The following XYLT1 variants were observed in gnomAD, a reference collection of about 807,000 sequenced individuals.
The protein encoded by XYLT1 is xylosyltransferase 1, also known as beta-D-xylosyltransferase 1.
A neutral mutation model predicts 91.3 loss-of-function variants in XYLT1; 36 were observed. That is an observed-to-expected ratio of 0.39 (90% confidence interval 0.30 to 0.52). The LOEUF (loss-of-function observed/expected upper bound fraction) is 0.52. Ranked by LOEUF, XYLT1 falls within the 20% of genes least tolerant of loss-of-function variation. The pLI is 0.68. For synonymous variants in XYLT1, 588 were observed against 532.0 expected (o/e 1.11, Z -1.45); for missense variants, 1,242 against 1,284.5 (o/e 0.97, Z 0.51).
chr16:17,257,722 G>C (rs531805216), intron 3 of XYLT1, among the ~76,000 whole-genome samples: 10 of 152,222 alleles, frequency 6.6e-5, no homozygotes, highest in African/African-American at 2.4e-4. Context: ...ATCACTTAAA[G>C]GCCATGTGAC....
At chr16:17,190,442 C>G (rs535869067) in intron 5 of XYLT1, among the ~76,000 whole-genome samples, 1 of 120,862 alleles carries the variant, frequency 8.3e-6, no homozygotes, top group East Asian at 3.2e-4. Context: ...TATCCCTCCC[C>G]CCTCCCCCCA....
intron 3 of XYLT1, among the ~76,000 whole-genome samples, chr16:17,219,589 C>T (rs1048554020): frequency 5.3e-5 from 8 of 152,156 alleles, no homozygotes; most frequent in African/African-American, 1.7e-4. Context: ...GATTTCTCAA[C>T]GATGGCTTGG....
intron 1 of XYLT1, among the ~76,000 whole-genome samples, chr16:17,421,264 T>C (rs1407361351): frequency 6.6e-6 from 1 of 152,204 alleles, no homozygotes; most frequent in Non-Finnish European, 1.5e-5. Flanking sequence ...ACAAGGCTCC[T>C]GAAAAATCCC....
At chr16:17,447,048 A>C (rs1190676356) in intron 1 of XYLT1, among the ~76,000 whole-genome samples, 1 of 150,498 alleles carries the variant, frequency 6.6e-6, no homozygotes, top group Non-Finnish European at 1.5e-5. Context: ...GAATCTCCGA[A>C]AATGGTTTTC....
rs548246649 is a variant in XYLT1 at position 17,326,846 on chromosome 16, A to C, written c.402+31166T>G. On this transcript the variant is annotated intron_variant, in intron 2 of 11. Coordinates refer to ENST00000261381, the MANE Select transcript of XYLT1 (RefSeq NM_022166.4). The stretch of plus-strand genomic sequence containing the variant: ...TCTCAAAAACAAAAAAAAACAAAAA[A>C]AACAAAAACACAACAAAAAAAACAC... Among the ~76,000 whole-genome samples the C allele has an allele frequency of 5.3e-5, 8 of 151,936 alleles. No individual in the cohort carries two copies. The East Asian group carries it at 1.6e-3, about 30-fold the overall frequency.
At chr16:17,449,439 C>G (rs2036636848) in intron 1 of XYLT1, among the ~76,000 whole-genome samples, 1 of 152,256 alleles carries the variant, frequency 6.6e-6, no homozygotes, top group Admixed American at 6.5e-5. Flanking sequence ...GGCCCAGCAC[C>G]TGGAAGAGGG....
At chr16:17,254,045 C>T (rs930509075) in intron 3 of XYLT1, among the ~76,000 whole-genome samples, 1 of 152,150 alleles carries the variant, frequency 6.6e-6, no homozygotes, top group Non-Finnish European at 1.5e-5. Context: ...CCTTGAGCCT[C>T]GATTTCCTCA....
chr16:17,128,535 G>A (rs899610955), intron 9 of XYLT1, among the ~76,000 whole-genome samples: 2 of 152,136 alleles, frequency 1.3e-5, no homozygotes, highest in Admixed American at 6.5e-5. Flanking sequence ...AAATGTCTGA[G>A]GCTCTTCGTG....
chr16:17,336,961 C>T (rs1418907192), intron 2 of XYLT1, among the ~76,000 whole-genome samples: 1 of 152,196 alleles, frequency 6.6e-6, no homozygotes, highest in Non-Finnish European at 1.5e-5. Flanking sequence ...ATATATTCTG[C>T]AACACAATAT....
chr16:17,459,247 C>G (rs1487928628), intron 1 of XYLT1, among the ~76,000 whole-genome samples: 1 of 152,148 alleles, frequency 6.6e-6, no homozygotes, highest in Non-Finnish European at 1.5e-5. Flanking sequence ...TGGCACGCAC[C>G]TGTAGTCCCA....
rs140265838 is a variant in XYLT1 at position 17,195,739 on chromosome 16, C to T, written c.1289+2473G>A. ...GATTACAGGTGTGAGCCACTGCACCCGGCCCACATCTTCCTTGCTTTATGG... is the reference window on the plus strand; with the variant it reads ...GATTACAGGTGTGAGCCACTGCACCTGGCCCACATCTTCCTTGCTTTATGG... On this transcript the variant is annotated intron_variant, in intron 5 of 11. Coordinates refer to ENST00000261381, the MANE Select transcript of XYLT1 (RefSeq NM_022166.4). Among the ~76,000 whole-genome samples, 15 of 152,124 alleles carry T rather than the reference C, an allele frequency of 9.9e-5. No individual in the cohort carries two copies. In the East Asian group the frequency reaches 2.7e-3, roughly 28 times the overall value.
intron 2 of XYLT1, among the ~76,000 whole-genome samples, chr16:17,293,700 G>A (rs1256751039): frequency 6.6e-6 from 1 of 152,082 alleles, no homozygotes; most frequent in East Asian, 1.9e-4. Context: ...CGTTGCCCAA[G>A]CTGGTCTTGA....
At chr16:17,315,445 C>T (rs1337927250) in intron 2 of XYLT1, among the ~76,000 whole-genome samples, 1 of 152,202 alleles carries the variant, frequency 6.6e-6, no homozygotes, top group East Asian at 1.9e-4. Flanking sequence ...AGAGAATTCT[C>T]GCTCCCCTAA....
At chr16:17,384,919 C>CA (rs2035728450) in intron 1 of XYLT1, among the ~76,000 whole-genome samples, 1 of 151,654 alleles carries the variant, frequency 6.6e-6, no homozygotes, top group South Asian at 2.1e-4. Flanking sequence ...ATGGAGAAAG[C>CA]AAAAAATCAA....
chr16:17,234,683 G>A (rs1273319782), intron 3 of XYLT1, among the ~76,000 whole-genome samples: 1 of 113,820 alleles, frequency 8.8e-6, no homozygotes, highest in Non-Finnish European at 1.8e-5. Flanking sequence ...CCAGCAAACT[G>A]AGCCATGTGA....
intron 2 of XYLT1, chr16:17,355,493 A>G (rs1232250988): frequency 2.0e-5 from 3 of 152,168 alleles, no homozygotes; most frequent in African/African-American, 7.2e-5. Context: ...CCTGGGGTAG[A>G]CTGGGTAGAG....
chr16:17,343,538 A>G (rs1314763616), intron 2 of XYLT1, among the ~76,000 whole-genome samples: 1 of 152,182 alleles, frequency 6.6e-6, no homozygotes, highest in Non-Finnish European at 1.5e-5. Context: ...TAGCGCAATC[A>G]CAGCTCACTG....
At chr16:17,389,623 T>G (rs1252027231) in intron 1 of XYLT1, among the ~76,000 whole-genome samples, 1 of 152,188 alleles carries the variant, frequency 6.6e-6, no homozygotes, top group Non-Finnish European at 1.5e-5. Context: ...TTTTACATCA[T>G]CTTCTCTTAA....
At chr16:17,465,334 C>CT (rs1397827996) in intron 1 of XYLT1, among the ~76,000 whole-genome samples, 1 of 151,970 alleles carries the variant, frequency 6.6e-6, no homozygotes, top group Non-Finnish European at 1.5e-5. Flanking sequence ...AGCTTCACTT[C>CT]TTTGAGCTTC....
Sources: gnomAD v4.1 joint callset for allele counts (sites outside exome capture counted in the v4.1 genomes callset) on GRCh38, gnomAD v4.1.1 for gene constraint, MANE v1.5 for transcripts, NCBI Gene and HGNC (gene_info 2026-07-23, HGNC 2026-07-21) for gene names.